CCDC7: variants seen among roughly 807,000 people sequenced by gnomAD.
The protein encoded by CCDC7 is coiled-coil domain containing 7.
Under a neutral mutation model 196.9 loss-of-function variants are expected in CCDC7, and 183 were observed. The ratio of observed to expected loss-of-function variants is 0.93; its 90% CI spans 0.82 to 1.05. CCDC7 has a LOEUF of 1.05. Among genes scored for constraint, CCDC7 ranks in the 50% least tolerant of loss-of-function variants. CCDC7 has a pLI of 0.00. For synonymous variants in CCDC7, 525 were observed against 484.6 expected, an observed-to-expected ratio of 1.08 and a Z score of -1.10; for missense variants, 1,540 against 1,482.2, an observed-to-expected ratio of 1.04 and a Z score of -0.64.
chr10:32,700,486 C>A lies in CCDC7; in HGVS notation c.2458+5494C>A, dbSNP rs570842346. 5.3e-5 allele frequency among the ~76,000 whole-genome samples: 8 copies of A among 152,126 alleles called. No homozygotes were observed. The South Asian group carries it at 1.7e-3, about 32-fold the overall frequency. On this transcript the variant is annotated intron_variant, in intron 24 of 41. Transcript: ENST00000639629. Reference sequence around the variant, plus strand: ...TGTAGTATAGTTTGAAGTCAGGTAGCGTGATGCCTCCAGCTTTGTTCTTTT... The same window carrying A: ...TGTAGTATAGTTTGAAGTCAGGTAGAGTGATGCCTCCAGCTTTGTTCTTTT...
At chr10:32,830,130 A>ATACATATATATATATATATATG (rs1231655936) in intron 32 of CCDC7, among the ~76,000 whole-genome samples, 1 of 108,872 alleles carries the variant, frequency 9.2e-6, no homozygotes, top group African/African-American at 2.9e-5. Context: ...GGATATATAT[A>ATACATATATATATATATATATG]TATATATATA....
chr10:32,619,123 A>G (rs950109253), intron 18 of CCDC7, among the ~76,000 whole-genome samples: 4 of 152,016 alleles, frequency 2.6e-5, no homozygotes, highest in Non-Finnish European at 5.9e-5. Flanking sequence ...TTCAAGGCCA[A>G]AGCCTTTTAG....
At chr10:32,638,544 G>A (rs1251162836) in intron 20 of CCDC7, among the ~76,000 whole-genome samples, 1 of 152,164 alleles carries the variant, frequency 6.6e-6, no homozygotes, top group Admixed American at 6.5e-5. Flanking sequence ...ATTGATTTGT[G>A]TATGTTGAAC....
intron 23 of CCDC7, among the ~76,000 whole-genome samples, chr10:32,689,585 T>G (rs1249153794): frequency 1.3e-5 from 2 of 152,194 alleles, no homozygotes; most frequent in African/African-American, 4.8e-5. Context: ...CTAGGACACC[T>G]GTTTAAGGGA....
chr10:32,806,671 G>T (rs927387194), intron 30 of CCDC7, among the ~76,000 whole-genome samples: 1 of 152,042 alleles, frequency 6.6e-6, no homozygotes, highest in African/African-American at 2.4e-5. Flanking sequence ...AAAACTTAAA[G>T]TATTAGGAAC....
At chr10:32,472,542 G>A (rs2038159283) in exon 7 of CCDC7, 8 of 1,569,776 alleles carry the variant, frequency 5.1e-6, no homozygotes, top group Non-Finnish European at 6.9e-6. Flanking sequence ...GAAAATTGAA[G>A]GTGATAATAT....
chr10:32,565,526 A>T (rs1200133729), intron 13 of CCDC7, 32 bp from the exon 15 acceptor site: 2 of 1,597,758 alleles, frequency 1.3e-6, no homozygotes, highest in South Asian at 2.3e-5. Flanking sequence ...ATACCAAAGT[A>T]AATACCTTTT....
intron 28 of CCDC7, among the ~76,000 whole-genome samples, chr10:32,768,459 A>T (rs191375542): frequency 6.6e-4 from 101 of 152,272 alleles, no homozygotes; most frequent in Admixed American, 2.2e-3. Flanking sequence ...AGATCATATT[A>T]TCAGTGAACA....
chr10:32,644,871 G>C (rs1478409221), intron 20 of CCDC7, among the ~76,000 whole-genome samples: 2 of 152,170 alleles, frequency 1.3e-5, no homozygotes, highest in Non-Finnish European at 2.9e-5. Flanking sequence ...TTACAGATCT[G>C]TCTTTATCAG....
chr10:32,871,395 T>C (rs2094425333), intron 41 of CCDC7, among the ~76,000 whole-genome samples: 1 of 152,128 alleles, frequency 6.6e-6, no homozygotes, highest in Non-Finnish European at 1.5e-5. Flanking sequence ...CGTAGAGGTG[T>C]TTATAGTATT....
intron 33 of CCDC7, among the ~76,000 whole-genome samples, chr10:32,843,893 T>C (rs1220759835): frequency 6.6e-6 from 1 of 151,994 alleles, no homozygotes; most frequent in Non-Finnish European, 1.5e-5. Flanking sequence ...TCGGTTCATT[T>C]TGGTAATGAT....
In CCDC7 at chr10:32,563,717, T is replaced by TA. The variant is rs1162218389; in HGVS notation, c.1135-1840dup. 1.7e-4 allele frequency among the ~76,000 whole-genome samples: 26 copies of TA among 152,270 alleles called. No individual in the cohort carries two copies. In the South Asian group the frequency reaches 4.4e-3, roughly 26 times the overall value. On this transcript the variant is annotated intron_variant, in intron 13 of 41. Transcript: ENST00000639629. ...AAACCCTAGAAGAAAACCTAGGCAT[T>TA]ACCATTCAGGACATAGGCATGGGCA... is the stretch of plus-strand genomic sequence containing the variant.
chr10:32,726,470 A>G (rs186474436), intron 25 of CCDC7, among the ~76,000 whole-genome samples: 104 of 152,214 alleles, frequency 6.8e-4, no homozygotes, highest in African/African-American at 2.2e-3. Flanking sequence ...TAAATAATCA[A>G]TGAATTCTGA....
chr10:32,630,755 T>C (rs1025212242), intron 18 of CCDC7, among the ~76,000 whole-genome samples: 1 of 152,196 alleles, frequency 6.6e-6, no homozygotes, highest in African/African-American at 2.4e-5. Flanking sequence ...ATAATATTCA[T>C]TACTGGGTTG....
exon 17 of CCDC7, chr10:32,583,134 G>C (rs2058905253): frequency 1.6e-6 from 2 of 1,231,330 alleles, no homozygotes; most frequent in Admixed American, 4.2e-5. Context: ...TGAAGTTTCA[G>C]TTGCTGAAAA....
chr10:32,826,291 T>A (rs2091100635), intron 32 of CCDC7, among the ~76,000 whole-genome samples: 1 of 152,182 alleles, frequency 6.6e-6, no homozygotes, highest in Non-Finnish European at 1.5e-5. Flanking sequence ...TTGAAGAACT[T>A]GGAGTCCAAT....
rs945597313 is a variant in CCDC7, at chr10:32,500,734, C to T, written c.872+8737C>T. Among the ~76,000 whole-genome samples the T allele has an allele frequency of 3.9e-5, 6 of 152,174 alleles. No homozygotes were observed. The East Asian group carries it at 1.2e-3, about 29-fold the overall frequency. On this transcript the variant is annotated intron_variant, in intron 9 of 41. Coordinates refer to ENST00000639629, the Ensembl canonical transcript of CCDC7. The stretch of plus-strand genomic sequence containing the variant: ...AGGTTGTAGCCAGCCAAGATCACAC[C>T]ACTGCACTCCAGCCTGGGCAACATT...
intron 28 of CCDC7, among the ~76,000 whole-genome samples, chr10:32,749,418 C>T (rs1565384361): frequency 6.6e-6 from 1 of 151,992 alleles, no homozygotes; most frequent in Non-Finnish European, 1.5e-5. Context: ...ATAATTTAAA[C>T]TTTTTTCTAA....
chr10:32,465,123 T>A (rs76649418), intron 5 of CCDC7, among the ~76,000 whole-genome samples: 21,260 of 150,344 alleles, frequency 0.14, 1,824 homozygotes, highest in East Asian at 0.33. Context: ...TTTTTTTTTT[T>A]AAAGTATTCA....
Sources: allele counts gnomAD v4.1 joint callset (sites outside exome capture counted in the v4.1 genomes callset), GRCh38; gene constraint gnomAD v4.1.1; transcripts MANE v1.5; gene names NCBI Gene and HGNC (gene_info 2026-07-23, HGNC 2026-07-21).